PHACTR2: variants seen among roughly 807,000 people sequenced by gnomAD.
The protein encoded by PHACTR2 is chromosome 6 open reading frame 56.
PHACTR2 carries 30 observed loss-of-function variants against 76.0 expected under a neutral mutation model. The observed-to-expected ratio is 0.39, with a 90% CI of 0.30 to 0.54. The LOEUF is 0.54. Among genes scored for constraint, PHACTR2 ranks in the 20% least tolerant of loss-of-function variants. PHACTR2 has a pLI of 0.61. For synonymous variants in PHACTR2, 292 were observed against 292.5 expected (o/e 1.00, Z 0.02); for missense variants, 696 against 781.1 (o/e 0.89, Z 1.30).
chr6:143,821,888 G>A lies in PHACTR2; in HGVS notation c.1923-1786G>A, dbSNP rs146077237. 2.7e-3 allele frequency among the ~76,000 whole-genome samples: 407 copies of A among 152,286 alleles called. 3 individuals are homozygous for A. The highest frequency in any genetic ancestry group is 9.6e-3 in the African/African-American group (398 of 41,536). On this transcript the variant is annotated intron_variant, in intron 12 of 12. Transcript: ENST00000440869. This position sits in a 1 kb window ranked among gnomAD's most constrained non-coding sequence, Gnocchi z 5.2. Reference sequence around the variant, plus strand: ...TGCTTGTAGTTTCAGCTACTTGGATGCTGAGGTGGGAGAATCACCTGAGCC... The same window carrying A: ...TGCTTGTAGTTTCAGCTACTTGGATACTGAGGTGGGAGAATCACCTGAGCC...
At position 143,718,502 on chromosome 6, in the gene PHACTR2, G is replaced by T. The variant is rs117793975; in HGVS notation, c.214+6319G>T. 2.0e-4 allele frequency among the ~76,000 whole-genome samples: 30 copies of T among 152,308 alleles called. No homozygotes were observed. In the East Asian group the frequency reaches 5.8e-3, roughly 29 times the overall value. Reference sequence around the variant, plus strand: ...AAAAGGTGTCTTCCTACCCACATCAGAAAGGACTGATCACTGAAAGGTGGC... The same window carrying T: ...AAAAGGTGTCTTCCTACCCACATCATAAAGGACTGATCACTGAAAGGTGGC... On this transcript the variant is annotated intron_variant, in intron 2 of 12. Transcript: ENST00000440869.
Position 143,730,584 on chromosome 6 carries a change from T to G in PHACTR2, c.214+18401T>G, listed in dbSNP as rs570219502. ...ATCTGTGAATGGGAATCATTTTATTTCTTCCATTCTAACCTGCATGTTTTT... is the reference window on the plus strand; with the variant it reads ...ATCTGTGAATGGGAATCATTTTATTGCTTCCATTCTAACCTGCATGTTTTT... On this transcript the variant is annotated intron_variant, in intron 2 of 12. Transcript: ENST00000440869. This position sits in a 1 kb window ranked among gnomAD's most constrained non-coding sequence, Gnocchi z 4.8. Among the ~76,000 whole-genome samples, 1 of 152,228 alleles carries G rather than the reference T, an allele frequency of 6.6e-6. No homozygotes were observed. The highest frequency in any genetic ancestry group is 1.5e-5 in the Non-Finnish European group (1 of 68,036).
At position 143,712,026 on chromosome 6, in the gene PHACTR2, G is replaced by T; in HGVS notation, c.57G>T (p.Leu19=). ...TCTTTCTTTATACAGTTGACGGACT[G>T]GACAAAGCTTCTATAGCAAACTCAG... The part of the protein sequence containing the change: ...LSPQPGSVDG[L]DKASIANSDG... Residue 19 remains leucine (L), a synonymous_variant, in exon 2 of 13, where the codon CTG becomes CTT. Transcript: ENST00000440869. 1 of 1,590,146 alleles carries T rather than the reference G, an allele frequency of 6.3e-7. No individual in the cohort carries two copies. The highest frequency in any genetic ancestry group is 8.5e-7 in the Non-Finnish European group (1 of 1,169,940).
At position 143,820,196 on chromosome 6, in the gene PHACTR2, C is replaced by T. The variant is rs1776383971; in HGVS notation, c.1923-3478C>T. Among the ~76,000 whole-genome samples the T allele has an allele frequency of 3.9e-5, 6 of 152,156 alleles. No homozygotes were observed. Among genetic ancestry groups the T allele is most frequent in the Admixed American group, 3.9e-4 (6 of 15,280 alleles). ...ATTCCAACATGAGATTTGGCAGGGA[C>T]AAATATCCAAACTGTATCATTTTGA... On this transcript the variant is annotated intron_variant, in intron 12 of 12. Transcript: ENST00000440869. The surrounding 1 kb of genome is among the most constrained non-coding windows in gnomAD (Gnocchi z 4.2).
At chr6:143,587,754 C>T (rs1246344700) in intron 1 of PHACTR2, among the ~76,000 whole-genome samples, 1 of 152,122 alleles carries the variant, frequency 6.6e-6, no homozygotes, top group Non-Finnish European at 1.5e-5. Context: ...TGGCTCATAC[C>T]TGTAATCCCA....
Position 143,754,282 on chromosome 6 carries a change from A to C in PHACTR2, c.454+370A>C, listed in dbSNP as rs4140473. The C allele has an allele frequency of 0.69, 113,018 of 163,798 alleles. 39,348 individuals carry two copies. Among genetic ancestry groups the C allele is most frequent in the African/African-American group, 0.78 (32,496 of 41,562 alleles). The allele number at this position is 163,798 out of a possible 1,614,324, so 10.1% of individuals were successfully genotyped here. ...ATCTTTCTCTGCTGGTTACAATTGG[A>C]CCCGTGAGCAGTTCAGCATGGAGGA... is the stretch of plus-strand genomic sequence containing the variant. On this transcript the variant is annotated intron_variant, in intron 4 of 12. Transcript: ENST00000440869. The surrounding 1 kb of genome is among the most constrained non-coding windows in gnomAD (Gnocchi z 6.2).
At position 143,671,020 on chromosome 6, in the gene PHACTR2, T is replaced by G. The variant is rs1184416468; in HGVS notation, c.14-40996T>G. ...CTCACTGCAACCTCCACCTCCCAGTTCCAGGTTCAAGCAATTCTCCTGCCT... is the reference window on the plus strand; with the variant it reads ...CTCACTGCAACCTCCACCTCCCAGTGCCAGGTTCAAGCAATTCTCCTGCCT... On this transcript the variant is annotated intron_variant, in intron 1 of 11. Coordinates refer to the PHACTR2 transcript ENST00000305766. The surrounding 1 kb of genome is among the most constrained non-coding windows in gnomAD (Gnocchi z 4.6). 6.6e-6 allele frequency among the ~76,000 whole-genome samples: 1 copy of G among 151,802 alleles called. No homozygotes were observed. The highest frequency in any genetic ancestry group is 1.9e-4 in the East Asian group (1 of 5,164).
In PHACTR2 at chr6:143,809,989, T is replaced by C. The variant is rs148212591; in HGVS notation, c.1922+2856T>C. On this transcript the variant is annotated intron_variant, in intron 12 of 12. Coordinates refer to ENST00000440869, the MANE Select transcript of PHACTR2 (RefSeq NM_001100164.2). The surrounding 1 kb of genome is among the most constrained non-coding windows in gnomAD (Gnocchi z 4.2). ...AGCTGAGCGTAGTGGCTCACAGCTG[T>C]AGTCCCAGCTACTTGGTAGGCTGAG... Among the ~76,000 whole-genome samples the C allele has an allele frequency of 8.2e-3, 1,251 of 152,154 alleles. 36 individuals carry two copies. Among genetic ancestry groups the C allele is most frequent in the Admixed American group, 0.066 (1,012 of 15,278 alleles).
rs1489322797 is a variant in PHACTR2 at position 143,822,741 on chromosome 6, C to G, written c.1923-933C>G. The stretch of plus-strand genomic sequence containing the variant: ...GCAGAAGTAGGCTGAAGAGCTTGAT[C>G]ACTTAAGGCTTTATGGAGAAGATAA... On this transcript the variant is annotated intron_variant, in intron 12 of 12. Coordinates refer to ENST00000440869, the MANE Select transcript of PHACTR2 (RefSeq NM_001100164.2). The surrounding 1 kb of genome is among the most constrained non-coding windows in gnomAD (Gnocchi z 5.5). Among the ~76,000 whole-genome samples the G allele has an allele frequency of 1.3e-5, 2 of 152,180 alleles. No individual in the cohort carries two copies. Among genetic ancestry groups the G allele is most frequent in the African/African-American group, 4.8e-5 (2 of 41,428 alleles).
At chr6:143,622,589 T>A (rs189181440) in intron 1 of PHACTR2, among the ~76,000 whole-genome samples, 2 of 152,244 alleles carry the variant, frequency 1.3e-5, no homozygotes, top group Non-Finnish European at 2.9e-5. Context: ...ATATAGACCA[T>A]CTCATTACAT....
chr6:143,732,272 A>G (rs777592634), intron 2 of PHACTR2, among the ~76,000 whole-genome samples: 5 of 152,200 alleles, frequency 3.3e-5, no homozygotes, highest in East Asian at 1.9e-4. Context: ...AAGAAATCCC[A>G]TACTCATTAG....
intron 1 of PHACTR2, among the ~76,000 whole-genome samples, chr6:143,560,882 GGTGTGTGTGTGTGT>G (rs36070460): frequency 3.3e-4 from 44 of 133,094 alleles, no homozygotes; most frequent in Middle Eastern, 3.7e-3. Context: ...AAAGCAGAGG[GGTGTGTGTGTGTGT>G]GTGTGTGTGT....
In PHACTR2 at chr6:143,788,887, G is replaced by T; in HGVS notation, c.1822G>T (p.Ala608Ser). ...DYDRRADKPW[A>S]RLTPADKAAI... The stretch of plus-strand genomic sequence containing the variant: ...TGACCGCCGAGCAGACAAGCCCTGG[G>T]CCAGGTTAACACCTGCAGACAAGGC... The change falls in exon 11 of 13, where the codon GCC becomes TCC. Residue 608 changes from alanine (A) to serine (S), a missense_variant. Around this residue, in one of 2 missense-constraint regions of PHACTR2, gnomAD observed 236 missense variants for 330.2 expected, o/e 0.71. Transcript: ENST00000440869. 1 of 1,612,694 alleles carries T rather than the reference G, an allele frequency of 6.2e-7. No homozygotes were observed. The highest frequency in any genetic ancestry group is 8.5e-7 in the Non-Finnish European group (1 of 1,178,942).
chr6:143,752,824 T>C (rs1018740882), intron 3 of PHACTR2, among the ~76,000 whole-genome samples: 2 of 152,218 alleles, frequency 1.3e-5, no homozygotes, highest in Non-Finnish European at 2.9e-5. Context: ...CTTCCATTTG[T>C]TAATTTTTCT....
intron 11 of PHACTR2, among the ~76,000 whole-genome samples, chr6:143,799,980 G>T (rs1775915408): frequency 6.6e-6 from 1 of 152,156 alleles, no homozygotes; most frequent in East Asian, 1.9e-4. Context: ...TGACAGTGGG[G>T]TGTTAAAGTC....
At chr6:143,810,032 T>C (rs1233295557) in intron 12 of PHACTR2, among the ~76,000 whole-genome samples, 1 of 151,900 alleles carries the variant, frequency 6.6e-6, no homozygotes, top group Non-Finnish European at 1.5e-5. Context: ...GATCACTTGA[T>C]CCCAGGAGGC....
Position 143,550,051 on chromosome 6 carries a change from T to C in PHACTR2, c.217+12844T>C, listed in dbSNP as rs9496663. ...GGAGTTGGAGTGATATCCCAATGCA[T>C]CAGTGGACTACTCAAATCAAACGTA... On this transcript the variant is annotated intron_variant, in intron 1 of 11. Coordinates refer to the PHACTR2 transcript ENST00000367584. This position sits in a 1 kb window ranked among gnomAD's most constrained non-coding sequence, Gnocchi z 4.8. Among the ~76,000 whole-genome samples, 52,143 of 151,796 alleles carry C rather than the reference T, an allele frequency of 0.34. 9,642 individuals carry two copies. Among genetic ancestry groups the C allele is most frequent in the Non-Finnish European group, 0.4 (27,181 of 67,862 alleles).
intron 11 of PHACTR2, among the ~76,000 whole-genome samples, chr6:143,790,774 C>T (rs1332017575): frequency 3.3e-5 from 5 of 151,534 alleles, no homozygotes; most frequent in African/African-American, 4.9e-5. Context: ...CCTGTGTTCA[C>T]GCCATTCTCC....
At chr6:143,705,743 C>T (rs1404277071) in intron 1 of PHACTR2, among the ~76,000 whole-genome samples, 2 of 152,148 alleles carry the variant, frequency 1.3e-5, no homozygotes, top group Non-Finnish European at 2.9e-5. Context: ...TACATACTGT[C>T]AGCACAGCTT....
Sources: gnomAD v4.1 joint callset for allele counts (sites outside exome capture counted in the v4.1 genomes callset) on GRCh38, gnomAD v4.1.1 for gene constraint, gnomAD v4.1.1 regional missense constraint, Gnocchi (gnomAD v3.1) non-coding constraint, MANE v1.5 for transcripts, NCBI Gene and HGNC (gene_info 2026-07-23, HGNC 2026-07-21) for gene names.